Variants in IRF2 observed in about 807,000 individuals in gnomAD.
IRF2 encodes the protein interferon regulatory factor 2.
Under a neutral mutation model 40.6 loss-of-function variants are expected in IRF2, and 15 were observed. The observed-to-expected ratio is 0.37, with a 90% CI of 0.25 to 0.57. The LOEUF (loss-of-function observed/expected upper bound fraction) is 0.57. Among genes scored for constraint, IRF2 ranks in the 20% least tolerant of loss-of-function variants. The pLI, the probability that IRF2 is intolerant of heterozygous loss-of-function variation, is 0.77. For synonymous variants in IRF2, 151 were observed against 165.5 expected (o/e 0.91, Z 0.67); for missense variants, 317 against 455.7 (o/e 0.70, Z 2.77).
chr4:184,414,310 A>G (rs1579825675), intron 5 of IRF2, among the ~76,000 whole-genome samples: 1 of 152,226 alleles, frequency 6.6e-6, no homozygotes, highest in African/African-American at 2.4e-5. Context: ...TGCACTGATG[A>G]TGTAGAATCC....
chr4:184,473,287 G>C (rs1274037733), intron 1 of IRF2, among the ~76,000 whole-genome samples: 2 of 150,386 alleles, frequency 1.3e-5, no homozygotes, highest in South Asian at 2.1e-4. Flanking sequence ...AGGGGACGCC[G>C]GCCCCCACTG....
At chr4:184,454,558 C>T (rs1738841557) in intron 1 of IRF2, among the ~76,000 whole-genome samples, 1 of 152,192 alleles carries the variant, frequency 6.6e-6, no homozygotes, top group South Asian at 2.1e-4. Flanking sequence ...CCTACTGCCT[C>T]TCACCAGTTT....
At chr4:184,431,131 T>C (rs572327021) in intron 1 of IRF2, among the ~76,000 whole-genome samples, 1 of 152,316 alleles carries the variant, frequency 6.6e-6, no homozygotes, top group East Asian at 1.9e-4. Flanking sequence ...GTTGGCCTCC[T>C]CCACTCATAT....
chr4:184,433,880 G>A (rs1466327626), intron 1 of IRF2, among the ~76,000 whole-genome samples: 3 of 152,182 alleles, frequency 2.0e-5, no homozygotes, highest in Non-Finnish European at 4.4e-5. Flanking sequence ...CCGAGGGTGA[G>A]CGTACATCTT....
rs558140707 is a variant in IRF2, at chr4:184,413,287, C to A, written c.411+4880G>T. 6.6e-6 allele frequency among the ~76,000 whole-genome samples: 1 copy of A among 152,190 alleles called. No individual in the cohort carries two copies. On this transcript the variant is annotated intron_variant, in intron 5 of 8. Transcript: ENST00000393593. This position sits in a 1 kb window ranked among gnomAD's most constrained non-coding sequence, Gnocchi z 4.2. ...CAAGGAGTTCAACTGTGTCTCATTC[C>A]GTAAAACTGTCCCTCAAGCTCTTCC... is the stretch of plus-strand genomic sequence containing the variant.
intron 1 of IRF2, among the ~76,000 whole-genome samples, chr4:184,466,431 T>C (rs192302068): frequency 6.6e-6 from 1 of 152,336 alleles, no homozygotes; most frequent in African/African-American, 2.4e-5. Flanking sequence ...ACAATCTCAA[T>C]AGCACAATTA....
At chr4:184,457,079 A>G (rs1207533047) in intron 1 of IRF2, among the ~76,000 whole-genome samples, 2 of 152,214 alleles carry the variant, frequency 1.3e-5, no homozygotes, top group Non-Finnish European at 2.9e-5. Context: ...TGGTTAACAC[A>G]TGATACAGGT....
intron 1 of IRF2, among the ~76,000 whole-genome samples, chr4:184,457,367 T>C (rs1329639949): frequency 6.6e-6 from 1 of 152,132 alleles, no homozygotes; most frequent in Non-Finnish European, 1.5e-5. Flanking sequence ...CGGCGTGACG[T>C]CACTCGGAAG....
rs529907718 is a variant in IRF2 at position 184,433,418 on chromosome 4, G to C, written c.-6-4348C>G. Among the ~76,000 whole-genome samples the C allele has an allele frequency of 3.3e-5, 5 of 152,110 alleles. No individual in the cohort carries two copies. The South Asian group carries it at 8.3e-4, about 25-fold the overall frequency. ...ATTCTGATAGACTCCTCCACTGGTCGGCGTGCCGGGCTTGTCATCCACCGG... is the reference window on the plus strand; with the variant it reads ...ATTCTGATAGACTCCTCCACTGGTCCGCGTGCCGGGCTTGTCATCCACCGG... On this transcript the variant is annotated intron_variant, in intron 1 of 8. Coordinates refer to ENST00000393593, the MANE Select transcript of IRF2 (RefSeq NM_002199.4).
At chr4:184,398,831 G>A (rs577892690) in intron 7 of IRF2, 84 bp downstream of exon 7, 65 of 1,254,172 alleles carry the variant, frequency 5.2e-5, no homozygotes, top group African/African-American at 6.0e-5. Flanking sequence ...GGGATGCTCC[G>A]TGGGGTGGTG....
chr4:184,429,514 A>C lies in IRF2; in HGVS notation c.-6-444T>G, dbSNP rs187304229. ...TATGATAGCCAAGCCATTCCTTTTG[A>C]GAATCTGGGTTATACAAACGCTTTC... On this transcript the variant is annotated intron_variant, in intron 1 of 8. Coordinates refer to ENST00000393593, the MANE Select transcript of IRF2 (RefSeq NM_002199.4). Among the ~76,000 whole-genome samples the C allele has an allele frequency of 3.8e-3, 583 of 152,282 alleles. 2 individuals are homozygous for C. The highest frequency in any genetic ancestry group is 0.013 in the African/African-American group (545 of 41,540).
At chr4:184,399,116 G>A in intron 6 of IRF2, 37 bp from the exon 7 acceptor site, 1 of 1,547,686 alleles carries the variant, frequency 6.5e-7, no homozygotes, top group East Asian at 2.3e-5. Flanking sequence ...AAAGTCTGCT[G>A]ACCTCACAAT....
intron 1 of IRF2, among the ~76,000 whole-genome samples, chr4:184,441,196 A>C: frequency 6.6e-6 from 1 of 152,198 alleles, no homozygotes; most frequent in East Asian, 1.9e-4. Flanking sequence ...TTAGGCCTAA[A>C]TAGGCCTTGT....
At chr4:184,467,282 A>G (rs1057003953) in intron 1 of IRF2, among the ~76,000 whole-genome samples, 8 of 152,222 alleles carry the variant, frequency 5.3e-5, no homozygotes, top group Middle Eastern at 3.2e-3. Flanking sequence ...GCAAAGACAG[A>G]AAATCTCCCT....
intron 1 of IRF2, among the ~76,000 whole-genome samples, chr4:184,464,009 G>A (rs1248909257): frequency 6.6e-6 from 1 of 152,178 alleles, no homozygotes; most frequent in Non-Finnish European, 1.5e-5. Context: ...AGGACACGAA[G>A]ATAGGGAATG....
chr4:184,455,249 C>CCCCCCCCCCTCCCCTCCCCCTT (rs1554017261), intron 1 of IRF2, among the ~76,000 whole-genome samples: 1 of 56,350 alleles, frequency 1.8e-5, no homozygotes, highest in Non-Finnish European at 3.3e-5. Context: ...TTCCTCCCCT[C>CCCCCCCCCCTCCCCTCCCCCTT]CCCTCCCCCT....
chr4:184,401,748 T>C (rs1388489828), intron 6 of IRF2, among the ~76,000 whole-genome samples: 2 of 151,960 alleles, frequency 1.3e-5, no homozygotes, highest in East Asian at 3.9e-4. Flanking sequence ...GTGTGAGAGT[T>C]TGAGGAGGGA....
chr4:184,429,494 T>C (rs972555605), intron 1 of IRF2, among the ~76,000 whole-genome samples: 2 of 152,180 alleles, frequency 1.3e-5, no homozygotes, highest in African/African-American at 4.8e-5. Context: ...AAAATTATGA[T>C]AGCCAAGCCA....
At position 184,389,004 on chromosome 4, in the gene IRF2, A is replaced by C; in HGVS notation, c.804T>G (p.Thr268=). The C allele has an allele frequency of 1.9e-6, 3 of 1,614,196 alleles. 1 individual carries two copies. Among genetic ancestry groups the C allele is most frequent in the Non-Finnish European group, 2.5e-6 (3 of 1,180,026 alleles). The part of the protein sequence containing the change: ...EGKQYLSNMG[T]RGSYLLPGMA... ...TGCCGGGCAGCAGGTAGGAGCCTCG[A>C]GTCCCCATGTTGCTGAGGTACTGTT... is the stretch of plus-strand genomic sequence containing the variant. Residue 268 remains threonine, a synonymous_variant, in exon 9 of 9, where the codon ACT becomes ACG. Coordinates refer to ENST00000393593, the MANE Select transcript of IRF2 (RefSeq NM_002199.4).
Sources: allele counts gnomAD v4.1 joint callset (sites outside exome capture counted in the v4.1 genomes callset), GRCh38; gene constraint gnomAD v4.1.1; non-coding constraint Gnocchi (gnomAD v3.1); transcripts MANE v1.5; gene names NCBI Gene and HGNC (gene_info 2026-07-23, HGNC 2026-07-21).